Variants in RANBP2 observed in about 807,000 individuals in gnomAD.
The protein encoded by RANBP2 is E3 SUMO-protein ligase RanBP2.
Under a neutral mutation model 303.6 loss-of-function variants are expected in RANBP2, and 57 were observed. The ratio of observed to expected loss-of-function variants is 0.19; its 90% CI spans 0.15 to 0.23. The LOEUF is 0.23. RANBP2 is among the 10% of genes least tolerant of loss of function. RANBP2 has a pLI of 1.00. For synonymous variants in RANBP2, 1,167 were observed against 1,301.5 expected (o/e 0.90, Z 2.23); for missense variants, 3,138 against 3,780.8 (o/e 0.83, Z 4.46).
chr2:108,721,780 C>T (rs1261618729), intron 1 of RANBP2, among the ~76,000 whole-genome samples: 3 of 152,126 alleles, frequency 2.0e-5, no homozygotes, highest in Non-Finnish European at 4.4e-5. Flanking sequence ...CTCTTTCTGT[C>T]TCCCAGGCTG....
the RANBP2 span, among the ~76,000 whole-genome samples, chr2:108,824,630 C>G: frequency 1.3e-5 from 2 of 152,106 alleles, no homozygotes; most frequent in African/African-American, 4.8e-5. Context: ...AGGAGTACAT[C>G]TAAAATAATG....
rs1176179814 is a variant in RANBP2 at position 108,766,783 on chromosome 2, A to G, written c.6244A>G (p.Lys2082Glu). The G allele has an allele frequency of 6.2e-7, 1 of 1,612,020 alleles. No homozygotes were observed. ...RMLMRREQVL[K>E]VCANHWITTT... ...GCTGATGCGAAGAGAACAAGTACTA[A>G]AAGTGTGTGCTAATCATTGGATAAC... is the stretch of plus-strand genomic sequence containing the variant. Residue 2082 changes from lysine (K) to glutamate (E), a missense_variant, in exon 20 of 29, where the codon AAA (lysine) becomes GAA (glutamate). Lys to Glu is a moderately conservative substitution (Grantham distance 56). Transcript: ENST00000283195.
chr2:109,259,175 G>A, the RANBP2 span, among the ~76,000 whole-genome samples: 1 of 152,250 alleles, frequency 6.6e-6, no homozygotes, highest in African/African-American at 2.4e-5. Flanking sequence ...ACAAAAGCCG[G>A]GTTGAGGAAT....
the RANBP2 span, among the ~76,000 whole-genome samples, chr2:108,958,397 T>C: frequency 6.6e-6 from 1 of 151,664 alleles, no homozygotes; most frequent in African/African-American, 2.4e-5. Flanking sequence ...GAAATAGTTA[T>C]TCCTTCAGCA....
At chr2:109,594,947 G>T in the RANBP2 span, 2 of 152,042 alleles carry the variant, frequency 1.3e-5, no homozygotes, top group African/African-American at 4.8e-5. Flanking sequence ...GAGTGCAGGG[G>T]TGCAATCTCA....
the RANBP2 span, among the ~76,000 whole-genome samples, chr2:108,913,167 G>T: frequency 4.8e-4 from 73 of 151,532 alleles, no homozygotes; most frequent in Non-Finnish European, 9.0e-4. Flanking sequence ...GCCAGGATGG[G>T]CTCGATCTCC....
the RANBP2 span, among the ~76,000 whole-genome samples, chr2:109,006,014 T>C: frequency 1.3e-5 from 2 of 152,128 alleles, no homozygotes; most frequent in Admixed American, 6.5e-5. Context: ...GAGAGGTTCC[T>C]ACGGCCAGCC....
the RANBP2 span, among the ~76,000 whole-genome samples, chr2:109,103,139 G>C: frequency 6.6e-6 from 1 of 152,214 alleles, no homozygotes; most frequent in Non-Finnish European, 1.5e-5. Context: ...GAGTCCCCTG[G>C]TGGGAGGAAA....
the RANBP2 span, among the ~76,000 whole-genome samples, chr2:109,702,152 G>T: frequency 6.6e-6 from 1 of 152,348 alleles, no homozygotes; most frequent in East Asian, 1.9e-4. Flanking sequence ...CCACGTGAGT[G>T]TGACTTGGTG....
chr2:108,853,662 G>T, the RANBP2 span, among the ~76,000 whole-genome samples: 2 of 149,968 alleles, frequency 1.3e-5, no homozygotes, highest in Non-Finnish European at 3.0e-5. Flanking sequence ...AAGTAGCTGG[G>T]ACTACAGGCA....
chr2:109,610,095 G>GTTTTTTTTTTTTTTTTTTTTTTTT, the RANBP2 span, among the ~76,000 whole-genome samples: 1 of 143,434 alleles, frequency 7.0e-6, no homozygotes, highest in African/African-American at 2.6e-5. Flanking sequence ...TCCCTGAGGT[G>GTTTTTTTTTTTTTTTTTTTTTTTT]TTTTTTTTTT....
At chr2:108,748,740 C>G (rs1016721892) in intron 8 of RANBP2, among the ~76,000 whole-genome samples, 180 bp from the exon 9 acceptor site, 3 of 152,098 alleles carry the variant, frequency 2.0e-5, no homozygotes, top group African/African-American at 7.2e-5. Context: ...AATATTAAAC[C>G]TGTACTCTTC....
the RANBP2 span, among the ~76,000 whole-genome samples, chr2:109,540,293 T>G: frequency 6.6e-6 from 1 of 152,164 alleles, no homozygotes; most frequent in African/African-American, 2.4e-5. Flanking sequence ...GCTTGTTTTC[T>G]TCAAGTCTCC....
At chr2:109,137,869 T>C in the RANBP2 span, among the ~76,000 whole-genome samples, 1 of 152,256 alleles carries the variant, frequency 6.6e-6, no homozygotes, top group Non-Finnish European at 1.5e-5. Flanking sequence ...TACTAAACAC[T>C]TGGAGTGCTC....
At chr2:109,631,325 G>T in the RANBP2 span, among the ~76,000 whole-genome samples, 1 of 152,118 alleles carries the variant, frequency 6.6e-6, no homozygotes, top group African/African-American at 2.4e-5. Context: ...TATTTCCTAT[G>T]AATTGGAAAA....
chr2:109,172,700 A>G, the RANBP2 span, among the ~76,000 whole-genome samples: 2 of 152,184 alleles, frequency 1.3e-5, no homozygotes, highest in African/African-American at 2.4e-5. Context: ...TGTCTTAGAA[A>G]TGGGGACACA....
chr2:108,780,924 G>A (rs1678213408), intron 25 of RANBP2, among the ~76,000 whole-genome samples: 1 of 152,064 alleles, frequency 6.6e-6, no homozygotes, highest in South Asian at 2.1e-4. Context: ...GGTCAGGCTG[G>A]TCTTGAACTC....
chr2:109,642,114 G>C, the RANBP2 span, among the ~76,000 whole-genome samples: 1 of 151,944 alleles, frequency 6.6e-6, no homozygotes, highest in Non-Finnish European at 1.5e-5. Flanking sequence ...TTTTAATAGA[G>C]ACAGGGTTTC....
the RANBP2 span, among the ~76,000 whole-genome samples, chr2:109,037,158 C>CAA: frequency 2.0e-5 from 3 of 150,956 alleles, no homozygotes; most frequent in African/African-American, 7.3e-5. Flanking sequence ...CAAAACAAAA[C>CAA]AAAACAAAAA....
Sources: gnomAD v4.1 joint callset for allele counts (sites outside exome capture counted in the v4.1 genomes callset) on GRCh38, gnomAD v4.1.1 for gene constraint, MANE v1.5 for transcripts, NCBI Gene and HGNC (gene_info 2026-07-23, HGNC 2026-07-21) for gene names.